PINK1: variants seen among roughly 807,000 people sequenced by gnomAD.
PINK1 encodes PTEN induced kinase 1, also known as serine/threonine-protein kinase PINK1, mitochondrial.
Under a neutral mutation model 56.0 loss-of-function variants are expected in PINK1, and 58 were observed. The ratio of observed to expected loss-of-function variants is 1.04; its 90% CI spans 0.84 to 1.29. The LOEUF (loss-of-function observed/expected upper bound fraction) is 1.29, where lower values mean the gene tolerates loss of function less well. Among genes scored for constraint, PINK1 ranks in the 50% most tolerant of loss-of-function variants. PINK1 has a pLI of 0.00. For synonymous variants in PINK1, 354 were observed against 339.3 expected (o/e 1.04, Z -0.48); for missense variants, 745 against 777.9 (o/e 0.96, Z 0.50).
Position 20,650,984 on chromosome 1 carries a change from T to G in PINK1, c.*293T>G, listed in dbSNP as rs1490080782. ...AGGATCCAGGCCAAGGCACTGGCTG[T>G]CAGTGGCAGAGTTTGGCTGTGACCT... On this transcript the variant is annotated 3_prime_UTR_variant, in exon 8 of 8. Transcript: ENST00000321556. 1 of 465,684 alleles carries G rather than the reference T, an allele frequency of 2.1e-6. No individual in the cohort carries two copies. Among genetic ancestry groups the G allele is most frequent in the African/African-American group, 2.0e-5 (1 of 50,880 alleles). 28.8% of individuals were successfully genotyped at this position (465,684 alleles called of 1,614,324 possible).
intron 5 of PINK1, among the ~76,000 whole-genome samples, chr1:20,646,119 T>C (rs570348736): frequency 1.1e-3 from 173 of 150,888 alleles, no homozygotes; most frequent in Non-Finnish European, 2.2e-3. Flanking sequence ...AAAAAAAAAA[T>C]ATGTTTTAAA....
At position 20,638,035 on chromosome 1, in the gene PINK1, G is replaced by A; in HGVS notation, c.581G>A (p.Arg194Lys). 6.2e-7 allele frequency: 1 copy of A among 1,614,188 alleles called. No homozygotes were observed. The highest frequency in any genetic ancestry group is 8.5e-7 in the Non-Finnish European group (1 of 1,180,038). Residue 194 changes from arginine to lysine, a missense_variant, in exon 2 of 8, where the codon AGA becomes AAA. Coordinates refer to ENST00000321556, the MANE Select transcript of PINK1 (RefSeq NM_032409.3). ...AAGAGCACCGGGTTGCTTCCAGGGAGAGGCCCAGGTACCAGTGCACCAGGA... is the reference window on the plus strand; with the variant it reads ...AAGAGCACCGGGTTGCTTCCAGGGAAAGGCCCAGGTACCAGTGCACCAGGA... ...VTKSTGLLPG[R>K]GPGTSAPGEG...
In PINK1 at chr1:20,638,108, C is replaced by T. The variant is rs780875165; in HGVS notation, c.654C>T (p.Ile218=). The change falls in exon 2 of 8, where the codon ATC becomes ATT. Residue 218 remains isoleucine, a synonymous_variant. Transcript: ENST00000321556. The part of the protein sequence containing the change: ...APGAPAFPLA[I]KMMWNISAGS... ...GGGCCCCTGCCTTCCCCTTGGCCATCAAGATGATGTGGAACATCTCGGTAA... is the reference window on the plus strand; with the variant it reads ...GGGCCCCTGCCTTCCCCTTGGCCATTAAGATGATGTGGAACATCTCGGTAA... 2.4e-5 allele frequency: 38 copies of T among 1,612,962 alleles called. No homozygotes were observed. The South Asian group carries it at 3.8e-4, about 16-fold the overall frequency.
At chr1:20,634,662 A>G (rs1342078276) in intron 1 of PINK1, among the ~76,000 whole-genome samples, 1 of 152,228 alleles carries the variant, frequency 6.6e-6, no homozygotes, top group African/African-American at 2.4e-5. Context: ...CAAAGTCTTA[A>G]AAGCCGCAGA....
chr1:20,650,824 G>A lies in PINK1; in HGVS notation c.*133G>A, dbSNP rs1172279068. The A allele has an allele frequency of 6.5e-6, 8 of 1,234,018 alleles. No homozygotes were observed. The highest frequency in any genetic ancestry group is 2.0e-5 in the Admixed American group (1 of 49,224). The allele number at this position is 1,234,018 out of a possible 1,614,324, so 76.4% of individuals were successfully genotyped here. ...GGGCTGGTTAGCCGGAAAAGGCCTC[G>A]GGCTTGGCAAATGGAAGAACTTGAG... On this transcript the variant is annotated 3_prime_UTR_variant, in exon 8 of 8. Transcript: ENST00000321556.
At chr1:20,649,310 GC>G in intron 7 of PINK1, 79 bp downstream of exon 7, 2 of 1,455,844 alleles carry the variant, frequency 1.4e-6, no homozygotes, top group Non-Finnish European at 1.9e-6. Context: ...TCAGGTTTGG[GC>G]CAGAGCCACA....
rs528885404 is a variant in PINK1, at chr1:20,646,408, G to A, written c.1123+685G>A. ...CGCCTGTAATCCCAGCACTTTGAGA[G>A]GCTGAGGCGGGCAGATCATGAGGTC... is the stretch of plus-strand genomic sequence containing the variant. On this transcript the variant is annotated intron_variant, in intron 5 of 7. Transcript: ENST00000321556. Among the ~76,000 whole-genome samples, 19 of 152,226 alleles carry A rather than the reference G, an allele frequency of 1.2e-4. No individual in the cohort carries two copies. The South Asian group carries it at 3.3e-3, about 27-fold the overall frequency.
rs143204084 is a variant in PINK1, at chr1:20,638,012, G to C, written c.558G>C (p.Lys186Asn). Residue 186 changes from lysine to asparagine, a missense_variant, in exon 2 of 8, where the codon AAG becomes AAC. By Grantham distance (94) the Lys-to-Asn change is moderately conservative (BLOSUM62 0). Transcript: ENST00000321556. ...PTLPQNLEVT[K>N]STGLLPGRGP... ...TGCCCCAGAACCTGGAGGTGACAAA[G>C]AGCACCGGGTTGCTTCCAGGGAGAG... is the stretch of plus-strand genomic sequence containing the variant. 613 of 1,614,164 alleles carry C rather than the reference G, an allele frequency of 3.8e-4. 4 individuals carry two copies. Among genetic ancestry groups the C allele is most frequent in the South Asian group, 1.6e-3 (148 of 91,086 alleles).
Position 20,645,648 on chromosome 1 carries a change from G to A in PINK1, c.1048G>A (p.Val350Met), listed in dbSNP as rs764648391. 1.2e-5 allele frequency: 19 copies of A among 1,613,994 alleles called. No homozygotes were observed. Among genetic ancestry groups the A allele is most frequent in the Middle Eastern group, 1.6e-4 (1 of 6,084 alleles). Residue 350 changes from valine to methionine, a missense_variant, in exon 5 of 8, where the codon GTG becomes ATG. By Grantham distance (21) the Val-to-Met change is conservative (BLOSUM62 1). Transcript: ENST00000321556. ...AMMLLQLLEGVDHLVQQGIAH... is the reference protein window; with the variant it reads ...AMMLLQLLEGMDHLVQQGIAH... Reference sequence around the variant, plus strand: ...GATGCTGCTGCAGCTGCTGGAAGGCGTGGACCATCTGGTTCAACAGGGCAT... The same window carrying A: ...GATGCTGCTGCAGCTGCTGGAAGGCATGGACCATCTGGTTCAACAGGGCAT...
chr1:20,637,582 G>A (rs2154533627), intron 1 of PINK1, among the ~76,000 whole-genome samples: 1 of 152,286 alleles, frequency 6.6e-6, no homozygotes, highest in East Asian at 1.9e-4. Flanking sequence ...CGGGACGTGG[G>A]GTTTCTGACC....
chr1:20,643,407 G>A (rs534259589), intron 3 of PINK1, among the ~76,000 whole-genome samples: 1 of 152,238 alleles, frequency 6.6e-6, no homozygotes, highest in South Asian at 2.1e-4. Context: ...ACCACTACTA[G>A]CTGCATCTGG....
chr1:20,636,972 GAC>G (rs2053062832), intron 1 of PINK1, among the ~76,000 whole-genome samples: 1 of 152,206 alleles, frequency 6.6e-6, no homozygotes, highest in Non-Finnish European at 1.5e-5. Context: ...ACAGCCGAGT[GAC>G]ACATGAAAGC....
chr1:20,634,060 G>C, intron 1 of PINK1, 125 bp downstream of exon 1: 1 of 1,189,906 alleles, frequency 8.4e-7, no homozygotes, highest in Non-Finnish European at 1.2e-6. Context: ...GCCGAGGCGA[G>C]GGTCCTTAAA....
At chr1:20,645,958 C>T (rs1322698345) in intron 5 of PINK1, among the ~76,000 whole-genome samples, 1 of 152,092 alleles carries the variant, frequency 6.6e-6, no homozygotes, top group African/African-American at 2.4e-5. Flanking sequence ...GAACAAGGAC[C>T]TCAGTGCTGC....
chr1:20,640,780 G>A (rs2053108229), intron 3 of PINK1, among the ~76,000 whole-genome samples: 1 of 152,182 alleles, frequency 6.6e-6, no homozygotes, highest in Non-Finnish European at 1.5e-5. Context: ...GCTCATGCCT[G>A]TAATCCCAGC....
intron 5 of PINK1, 82 bp downstream of exon 5, chr1:20,645,805 C>T: frequency 6.5e-7 from 1 of 1,529,044 alleles, no homozygotes; most frequent in South Asian, 1.1e-5. Context: ...TCTTCAGGTC[C>T]TCTCTGGTTT....
intron 4 of PINK1, 110 bp downstream of exon 4, chr1:20,644,782 C>G: frequency 7.2e-7 from 1 of 1,382,544 alleles, no homozygotes; most frequent in Non-Finnish European, 9.9e-7. Context: ...ACAGGGTCAT[C>G]ACCCTTCCGG....
intron 3 of PINK1, among the ~76,000 whole-genome samples, chr1:20,642,023 C>T (rs879089): frequency 0.56 from 85,716 of 151,980 alleles, 24,409 homozygotes; most frequent in Middle Eastern, 0.7. Context: ...AGGGTGGAAA[C>T]GATGCTCTGG....
At chr1:20,634,007 G>A (rs1316801734) in intron 1 of PINK1, 72 bp downstream of exon 1, 1 of 1,500,412 alleles carries the variant, frequency 6.7e-7, no homozygotes, top group Non-Finnish European at 8.9e-7. Flanking sequence ...AGCTGGGTGG[G>A]GGCGGGGCTA....
Sources: allele counts gnomAD v4.1 joint callset (sites outside exome capture counted in the v4.1 genomes callset), GRCh38; gene constraint gnomAD v4.1.1; transcripts MANE v1.5; gene names NCBI Gene and HGNC (gene_info 2026-07-23, HGNC 2026-07-21).